CFAP61: variants seen among roughly 807,000 people sequenced by gnomAD.
The protein encoded by CFAP61 is cilia- and flagella-associated protein 61.
Under a neutral mutation model 135.6 loss-of-function variants are expected in CFAP61, and 107 were observed. The ratio of observed to expected loss-of-function variants is 0.79; its 90% CI spans 0.67 to 0.93. The LOEUF is 0.93. Ranked by LOEUF, CFAP61 falls within the 40% of genes least tolerant of loss-of-function variation. CFAP61 has a pLI of 0.00. For synonymous variants in CFAP61, 575 were observed against 578.5 expected (o/e 0.99, Z 0.09); for missense variants, 1,507 against 1,556.2 (o/e 0.97, Z 0.53).
At chr20:20,336,620 G>A (rs528468036) in intron 25 of CFAP61, among the ~76,000 whole-genome samples, 1 of 133,524 alleles carries the variant, frequency 7.5e-6, no homozygotes, top group African/African-American at 2.6e-5. Flanking sequence ...GCAACAACCT[G>A]TCTCTAAAAA....
chr20:20,178,377 C>T (rs193301069), intron 13 of CFAP61, among the ~76,000 whole-genome samples: 50 of 152,192 alleles, frequency 3.3e-4, no homozygotes, highest in Admixed American at 1.3e-3. Flanking sequence ...CTTCTATTTC[C>T]GCTGCTTGCT....
intron 25 of CFAP61, among the ~76,000 whole-genome samples, chr20:20,307,215 GGACACTAGACTAA>G (rs1243874557): frequency 1.3e-5 from 2 of 152,166 alleles, no homozygotes; most frequent in Non-Finnish European, 2.9e-5. Context: ...AACATGGAAA[GGACACTAGACTAA>G]GACCAACAGA....
intron 8 of CFAP61, among the ~76,000 whole-genome samples, chr20:20,137,018 A>G (rs2050981616): frequency 6.6e-6 from 1 of 151,814 alleles, no homozygotes; most frequent in African/African-American, 2.4e-5. Context: ...TAGAGGTGCC[A>G]CCTTGGTGGT....
At chr20:20,100,637 C>G (rs917193057) in intron 8 of CFAP61, among the ~76,000 whole-genome samples, 5 of 152,052 alleles carry the variant, frequency 3.3e-5, no homozygotes, top group African/African-American at 4.8e-5. Context: ...ATATTTTTTC[C>G]CCTGTGGCTG....
chr20:20,208,118 T>C (rs571767012), intron 17 of CFAP61, among the ~76,000 whole-genome samples: 36 of 152,286 alleles, frequency 2.4e-4, no homozygotes, highest in Admixed American at 2.2e-3. Context: ...TCGTCTCCAT[T>C]TTGCAGTGGG....
At chr20:20,307,026 A>G (rs2056516146) in intron 25 of CFAP61, among the ~76,000 whole-genome samples, 1 of 152,216 alleles carries the variant, frequency 6.6e-6, no homozygotes, top group African/African-American at 2.4e-5. Context: ...GAAATACCTT[A>G]TGGTGAGCCC....
At position 20,277,255 on chromosome 20, in the gene CFAP61, C is replaced by T. The variant is rs760201130; in HGVS notation, c.2593C>T (p.Leu865Phe). The change falls in exon 22 of 27, where the codon CTC becomes TTC. Residue 865 changes from leucine to phenylalanine, a missense_variant. Transcript: ENST00000245957. ...NLGVSGSRIHLVQPPPASTIT... is the reference protein window; with the variant it reads ...NLGVSGSRIHFVQPPPASTIT... ...TGGCGTGAGCGGCAGCCGCATCCACCTCGTGCAGCCCCCGCCCGCCTCCAC... is the reference window on the plus strand; with the variant it reads ...TGGCGTGAGCGGCAGCCGCATCCACTTCGTGCAGCCCCCGCCCGCCTCCAC... 1.7e-5 allele frequency: 28 copies of T among 1,614,000 alleles called. No individual in the cohort carries two copies. In the South Asian group the frequency reaches 2.9e-4, roughly 16 times the overall value.
chr20:20,204,081 C>T (rs928612864), intron 17 of CFAP61, among the ~76,000 whole-genome samples: 1 of 152,046 alleles, frequency 6.6e-6, no homozygotes, highest in African/African-American at 2.4e-5. Flanking sequence ...TAGTTGCTCC[C>T]CATCATCCAC....
At chr20:20,070,088 C>T (rs1202123733) in intron 2 of CFAP61, among the ~76,000 whole-genome samples, 3 of 152,140 alleles carry the variant, frequency 2.0e-5, no homozygotes, top group African/African-American at 4.8e-5. Context: ...CTTGATGGGC[C>T]ACAAGACAGG....
At chr20:20,298,515 A>G (rs1365898821) in intron 25 of CFAP61, 129 bp downstream of exon 25, 1 of 763,898 alleles carries the variant, frequency 1.3e-6, no homozygotes, top group Non-Finnish European at 2.1e-6. Flanking sequence ...TGTGGCAGAG[A>G]TTTCGTTCTA....
intron 17 of CFAP61, among the ~76,000 whole-genome samples, chr20:20,216,651 C>T (rs193003961): frequency 1.3e-5 from 2 of 152,220 alleles, no homozygotes; most frequent in Admixed American, 6.5e-5. Flanking sequence ...TTTTTATTTT[C>T]GTAACTACTT....
rs540878307 is a variant in CFAP61 at position 20,164,291 on chromosome 20, C to T, written c.1205+63C>T. On this transcript the variant is annotated intron_variant, in intron 11 of 26. Coordinates refer to ENST00000245957, the MANE Select transcript of CFAP61 (RefSeq NM_015585.4). Reference sequence around the variant, plus strand: ...ATCTTTTCTGGCATTGGTGGCCCAACATTTTAACTTTACAGAGCCAGTAAT... The same window carrying T: ...ATCTTTTCTGGCATTGGTGGCCCAATATTTTAACTTTACAGAGCCAGTAAT... 71 of 1,496,924 alleles carry T rather than the reference C, an allele frequency of 4.7e-5. 2 individuals are homozygous for T. The South Asian group carries it at 6.7e-4, about 14-fold the overall frequency. 92.7% of individuals were successfully genotyped at this position (1,496,924 alleles called of 1,614,324 possible).
chr20:20,222,451 C>T (rs535150428), intron 17 of CFAP61, among the ~76,000 whole-genome samples: 3 of 152,234 alleles, frequency 2.0e-5, no homozygotes, highest in South Asian at 2.1e-4. Context: ...CTAGAATCAC[C>T]GTTACCCTCA....
chr20:20,296,435 CTCCT>C (rs1325743846), intron 24 of CFAP61, among the ~76,000 whole-genome samples: 2 of 132,902 alleles, frequency 1.5e-5, no homozygotes, highest in Non-Finnish European at 3.2e-5. Context: ...TCCTCCCTCC[CTCCT>C]TCCTTCCCTC....
intron 2 of CFAP61, among the ~76,000 whole-genome samples, chr20:20,065,819 G>A (rs559867072): frequency 2.6e-5 from 4 of 152,192 alleles, no homozygotes; most frequent in East Asian, 1.9e-4. Context: ...GCACAGTGGC[G>A]ATCGGGGGGA....
rs748319649 is a variant in CFAP61 at position 20,164,105 on chromosome 20, G to A, written c.1082G>A (p.Ser361Asn). The A allele has an allele frequency of 1.9e-6, 3 of 1,614,032 alleles. No individual in the cohort carries two copies. Among genetic ancestry groups the A allele is most frequent in the South Asian group, 2.2e-5 (2 of 91,066 alleles). Residue 361 changes from serine (S) to asparagine (N), a missense_variant, in exon 11 of 27, where the codon AGC becomes AAC. By Grantham distance (46) the Ser-to-Asn change is conservative. Coordinates refer to ENST00000245957, the MANE Select transcript of CFAP61 (RefSeq NM_015585.4). ...STGYAQYHHV[S>N]SRSLASLVLP... ...GGATATGCACAGTATCACCATGTCA[G>A]CAGTAGGAGCTTGGCATCGCTCGTA...
At chr20:20,085,175 G>A (rs1212664841) in intron 6 of CFAP61, 3 of 985,444 alleles carry the variant, frequency 3.0e-6, no homozygotes, top group African/African-American at 1.7e-5. Context: ...GGCATGTGAC[G>A]CTGCGGTGCC....
chr20:20,219,595 T>C (rs555866431), intron 17 of CFAP61, among the ~76,000 whole-genome samples: 1 of 152,292 alleles, frequency 6.6e-6, no homozygotes, highest in African/African-American at 2.4e-5. Context: ...AAATAGTACT[T>C]AGATGATGCC....
At chr20:20,100,128 G>A (rs576111845) in intron 8 of CFAP61, among the ~76,000 whole-genome samples, 5 of 151,300 alleles carry the variant, frequency 3.3e-5, no homozygotes, top group Non-Finnish European at 7.4e-5. Context: ...AGTTGTCATT[G>A]TTATTTTCCA....
Sources: allele counts gnomAD v4.1 joint callset (sites outside exome capture counted in the v4.1 genomes callset), GRCh38; gene constraint gnomAD v4.1.1; transcripts MANE v1.5; gene names NCBI Gene and HGNC (gene_info 2026-07-23, HGNC 2026-07-21).